The following CALN1 variants were observed in gnomAD, a reference collection of about 807,000 sequenced individuals.
The protein encoded by CALN1 is calcium-binding protein 8.
Under a neutral mutation model 30.6 loss-of-function variants are expected in CALN1, and 17 were observed. The ratio of observed to expected loss-of-function variants is 0.56; its 90% CI spans 0.38 to 0.83. The LOEUF is 0.83. Among genes scored for constraint, CALN1 ranks in the 40% least tolerant of loss-of-function variants. CALN1 has a pLI of 0.00. For missense variants in CALN1, 291 were observed against 354.9 expected (o/e 0.82, Z 1.45); for synonymous variants, 156 against 131.4 (o/e 1.19, Z -1.28).
intron 1 of CALN1, among the ~76,000 whole-genome samples, chr7:72,426,729 A>G (rs975326856): frequency 1.3e-5 from 2 of 152,216 alleles, no homozygotes; most frequent in African/African-American, 2.4e-5. Context: ...GGCTGTATTT[A>G]TCCCCCTGAG....
chr7:72,422,194 GA>G (rs1807633550), intron 1 of CALN1, among the ~76,000 whole-genome samples: 1 of 152,144 alleles, frequency 6.6e-6, no homozygotes. Context: ...GTTCTTTAAG[GA>G]ATCTCCATAC....
intron 5 of CALN1, among the ~76,000 whole-genome samples, chr7:71,837,243 C>CAAAAAAAAAAAAAAAAAAAAAA: frequency 1.3e-5 from 1 of 79,126 alleles, no homozygotes; most frequent in Non-Finnish European, 2.2e-5. Context: ...AAAAAAAAGA[C>CAAAAAAAAAAAAAAAAAAAAAA]AAAAAAAAAA....
intron 5 of CALN1, among the ~76,000 whole-genome samples, chr7:71,854,603 G>GA (rs1371385687): frequency 1.3e-5 from 2 of 152,136 alleles, no homozygotes; most frequent in African/African-American, 4.8e-5. Flanking sequence ...GTAAAACCAA[G>GA]AAAAAGTGTA....
intron 5 of CALN1, among the ~76,000 whole-genome samples, 196 bp from the exon 6 acceptor site, chr7:71,810,688 A>T (rs989702248): frequency 6.6e-6 from 1 of 152,018 alleles, no homozygotes; most frequent in Non-Finnish European, 1.5e-5. Context: ...AATGATAGAG[A>T]GTGGAACATA....
chr7:72,336,866 G>T, intron 2 of CALN1: 1 of 985,070 alleles, frequency 1.0e-6, no homozygotes. Context: ...CCGCGTCCCC[G>T]TGCCGGCATC....
intron 3 of CALN1, among the ~76,000 whole-genome samples, chr7:72,176,191 T>C (rs947775460): frequency 6.6e-6 from 1 of 152,166 alleles, no homozygotes; most frequent in African/African-American, 2.4e-5. Context: ...AAACCTGTCT[T>C]TGACTGTTAA....
chr7:72,399,850 T>C (rs918864932), intron 2 of CALN1, among the ~76,000 whole-genome samples: 1 of 152,166 alleles, frequency 6.6e-6, no homozygotes, highest in Non-Finnish European at 1.5e-5. Context: ...GGATGCCTCA[T>C]GAATGCCTGG....
the CALN1 span, among the ~76,000 whole-genome samples, chr7:72,490,287 T>C: frequency 1.3e-5 from 2 of 152,096 alleles, no homozygotes; most frequent in African/African-American, 2.4e-5. Flanking sequence ...TATGCAATTA[T>C]AAAATAAAAC....
intron 5 of CALN1, among the ~76,000 whole-genome samples, chr7:71,920,793 A>G (rs1284227110): frequency 6.6e-6 from 1 of 152,230 alleles, no homozygotes; most frequent in African/African-American, 2.4e-5. Flanking sequence ...TGAACTAGGT[A>G]TAAGAACCTT....
intron 5 of CALN1, among the ~76,000 whole-genome samples, chr7:71,978,485 A>G (rs1254772664): frequency 6.6e-6 from 1 of 151,876 alleles, no homozygotes; most frequent in Non-Finnish European, 1.5e-5. Flanking sequence ...CGTGTTAGCC[A>G]GGATGGTCTT....
intron 2 of CALN1, among the ~76,000 whole-genome samples, chr7:72,397,714 T>TCTCTCTCACACACACACA (rs142607076): frequency 1.2e-4 from 17 of 142,806 alleles, no homozygotes; most frequent in African/African-American, 4.2e-4. Context: ...CCATTCTCTC[T>TCTCTCTCACACACACACA]CACACACACA....
At chr7:72,355,346 T>C (rs747352328) in intron 2 of CALN1, among the ~76,000 whole-genome samples, 14 of 151,418 alleles carry the variant, frequency 9.2e-5, no homozygotes, top group Non-Finnish European at 1.8e-4. Context: ...GCCAACATGG[T>C]GAAAACCCAT....
intron 2 of CALN1, among the ~76,000 whole-genome samples, chr7:72,334,828 A>T (rs541828647): frequency 9.2e-5 from 14 of 152,334 alleles, no homozygotes; most frequent in African/African-American, 3.1e-4. Context: ...ACCATTGTAG[A>T]ACAGCTTCTC....
intron 2 of CALN1, among the ~76,000 whole-genome samples, chr7:72,282,533 GA>G (rs1252886925): frequency 3.3e-5 from 5 of 152,128 alleles, no homozygotes; most frequent in African/African-American, 1.2e-4. Context: ...GGGTTGGAAG[GA>G]ACTAGCAAGG....
rs869149598 is a variant in CALN1, at chr7:72,203,979, CTTTTTTTTTTTTTTTTTTTTTTTTTTT to C, written c.244+74680_244+74706del. ...TAGCCTTCATATAAGAGGCCTCTCTCTTTTTTTTTTTTTTTTTTTTTTTTTTTTTTGAGACAGAGTCTCACTCTGTCG... is the reference window on the plus strand; with the variant it reads ...TAGCCTTCATATAAGAGGCCTCTCTCTTTGAGACAGAGTCTCACTCTGTCG... On this transcript the variant is annotated intron_variant, in intron 3 of 6. Transcript: ENST00000395275. Among the ~76,000 whole-genome samples, 506 of 83,836 alleles carry C rather than the reference CTTTTTTTTTTTTTTTTTTTTTTTTTTT, an allele frequency of 6.0e-3. 6 individuals carry two copies. The highest frequency in any genetic ancestry group is 0.025 in the African/African-American group (476 of 19,160). The allele number at this position is 83,836 out of a possible 152,430, so 55.0% of individuals were successfully genotyped here.
chr7:72,266,150 A>C (rs1177851404), intron 3 of CALN1, among the ~76,000 whole-genome samples: 2 of 151,856 alleles, frequency 1.3e-5, no homozygotes, highest in Non-Finnish European at 2.9e-5. Flanking sequence ...AAAAAAAAAA[A>C]CTAAACTACA....
intron 5 of CALN1, among the ~76,000 whole-genome samples, chr7:71,982,645 G>T: frequency 6.6e-6 from 1 of 152,080 alleles, no homozygotes; most frequent in Non-Finnish European, 1.5e-5. Flanking sequence ...TAAATTAACA[G>T]AAATACAATT....
intron 2 of CALN1, among the ~76,000 whole-genome samples, chr7:72,342,192 G>A (rs1017458186): frequency 2.0e-5 from 3 of 149,586 alleles, no homozygotes; most frequent in African/African-American, 7.4e-5. Context: ...CCAGGAGTTC[G>A]AGATTACAGT....
intron 3 of CALN1, among the ~76,000 whole-genome samples, chr7:72,206,434 CCT>C (rs2129547817): frequency 6.6e-6 from 1 of 152,240 alleles, no homozygotes; most frequent in South Asian, 2.1e-4. Flanking sequence ...ATTACTTCTG[CCT>C]CTTACTGCTT....
Sources: allele counts gnomAD v4.1 joint callset (sites outside exome capture counted in the v4.1 genomes callset), GRCh38; gene constraint gnomAD v4.1.1; transcripts MANE v1.5; gene names NCBI Gene and HGNC (gene_info 2026-07-23, HGNC 2026-07-21).